CCDC77: variants seen among roughly 807,000 people sequenced by gnomAD.
The protein encoded by CCDC77 is coiled-coil domain containing 77.
In CCDC77, 56 loss-of-function variants were observed where a neutral mutation model predicts 66.8. The observed-to-expected ratio is 0.84, with a 90% CI of 0.68 to 1.05. The LOEUF (loss-of-function observed/expected upper bound fraction) is 1.05, where lower values mean the gene tolerates loss of function less well. Among genes scored for constraint, CCDC77 ranks in the 50% least tolerant of loss-of-function variants. The pLI, the probability that CCDC77 is intolerant of heterozygous loss-of-function variation, is 0.00. For missense variants in CCDC77, 570 were observed against 576.8 expected (o/e 0.99, Z 0.12); for synonymous variants, 196 against 195.2 (o/e 1.00, Z -0.03).
At chr12:432,099 C>T (rs1747597499) in intron 8 of CCDC77, 145 bp downstream of exon 8, 1 of 566,658 alleles carries the variant, frequency 1.8e-6, no homozygotes. Context: ...TGAGATTGTT[C>T]CTAATTTCTA....
rs1401984737 is a variant in CCDC77 at position 422,277 on chromosome 12, A to G, written c.413+3641A>G. On this transcript the variant is annotated intron_variant, in intron 5 of 12. Coordinates refer to ENST00000239830, the MANE Select transcript of CCDC77 (RefSeq NM_032358.4). Reference sequence around the variant, plus strand: ...CTGGGAGTGAGAGGGTAAAACACACATAGCAAAAAGTTCACCATTTTAGCC... The same window carrying G: ...CTGGGAGTGAGAGGGTAAAACACACGTAGCAAAAAGTTCACCATTTTAGCC... Among the ~76,000 whole-genome samples the G allele has an allele frequency of 5.9e-5, 9 of 152,274 alleles. 1 individual carries two copies. Among genetic ancestry groups the G allele is most frequent in the African/African-American group, 1.9e-4 (8 of 41,478 alleles).
intron 5 of CCDC77, among the ~76,000 whole-genome samples, chr12:423,483 TTTTTTG>T (rs1565572216): frequency 1.8e-4 from 6 of 33,110 alleles, no homozygotes; most frequent in East Asian, 7.5e-4. Flanking sequence ...TTTTGTGTTT[TTTTTTG>T]TTTTGTTTTT....
chr12:390,585 C>G (rs922457883), intron 1 of CCDC77, among the ~76,000 whole-genome samples: 11 of 152,148 alleles, frequency 7.2e-5, no homozygotes, highest in African/African-American at 2.7e-4. Flanking sequence ...CTTCCATGAG[C>G]AAGAAGGAAT....
chr12:409,278 A>G lies in CCDC77; in HGVS notation c.-16-90A>G. The G allele has an allele frequency of 2.4e-6, 2 of 825,750 alleles. 1 individual carries two copies. The highest frequency in any genetic ancestry group is 4.5e-5 in the Admixed American group (2 of 44,544). The allele number at this position is 825,750 out of a possible 1,614,324, so 51.2% of individuals were successfully genotyped here. ...AGATTCTTTCCAAGAAGCAAATATG[A>G]TGATGTTGAAGAGGGAACCAGTCTA... On this transcript the variant is annotated intron_variant, in intron 2 of 12. Coordinates refer to ENST00000239830, the MANE Select transcript of CCDC77 (RefSeq NM_032358.4).
chr12:399,521 T>G (rs911880761), upstream of CCDC77, among the ~76,000 whole-genome samples: 2 of 152,220 alleles, frequency 1.3e-5, no homozygotes, highest in Admixed American at 1.3e-4. Context: ...CCTTGATCCA[T>G]GAGCTGCAGA....
intron 11 of CCDC77, 31 bp downstream of exon 11, chr12:440,773 T>C (rs1376192819): frequency 1.2e-6 from 2 of 1,613,488 alleles, no homozygotes; most frequent in Admixed American, 1.7e-5. Flanking sequence ...TGTAATGGAA[T>C]AGGAAGTGCA....
chr12:433,651 C>CA (rs74643579), intron 9 of CCDC77, among the ~76,000 whole-genome samples: 4,301 of 121,186 alleles, frequency 0.035, 106 homozygotes, highest in African/African-American at 0.079. Flanking sequence ...GACCCTGTCT[C>CA]AAAAAAAAAA....
intron 10 of CCDC77, 177 bp downstream of exon 10, chr12:438,731 T>C (rs1945801398): frequency 1.8e-6 from 1 of 547,502 alleles, no homozygotes; most frequent in Non-Finnish European, 3.2e-6. Flanking sequence ...GGATTCAAAA[T>C]ATTAGACTTG....
intron 1 of CCDC77, chr12:389,507 A>G (rs955853732): frequency 2.5e-4 from 55 of 218,206 alleles, no homozygotes; most frequent in Admixed American, 1.2e-3. Context: ...GGGGAGGGGC[A>G]CAAGCTCTTC....
intron 2 of CCDC77, among the ~76,000 whole-genome samples, chr12:405,813 A>G (rs1944979688): frequency 6.6e-6 from 1 of 152,168 alleles, no homozygotes; most frequent in South Asian, 2.1e-4. Context: ...TACTAGGGAT[A>G]CAGCAGTGAA....
At chr12:391,434 A>G (rs777198999) in intron 1 of CCDC77, among the ~76,000 whole-genome samples, 8 of 152,156 alleles carry the variant, frequency 5.3e-5, no homozygotes, top group Non-Finnish European at 1.2e-4. Flanking sequence ...CAGCCTAGGC[A>G]AGAAGAGTGA....
upstream of CCDC77, among the ~76,000 whole-genome samples, chr12:398,741 AT>A (rs1455104312): frequency 1.3e-5 from 2 of 149,406 alleles, no homozygotes; most frequent in African/African-American, 4.9e-5. Flanking sequence ...TCTTTTTAAA[AT>A]TTTTTTATTA....
chr12:416,369 G>A (rs1265486268), intron 4 of CCDC77, among the ~76,000 whole-genome samples: 1,848 of 29,016 alleles, frequency 0.064, 169 homozygotes, highest in South Asian at 0.21. Context: ...GTGTGTGTGT[G>A]TGTGTGTGTA....
In CCDC77 at chr12:431,866, A is replaced by G; in HGVS notation, c.584A>G (p.Asp195Gly). ...EQSESSAFKADPKISKRRPSR... is the reference protein window; with the variant it reads ...EQSESSAFKAGPKISKRRPSR... ...TGATGGATTTTGTTTTCTATTTTAGATCCTAAAATAAGCAAAAGAAGACCA... is the reference window on the plus strand; with the variant it reads ...TGATGGATTTTGTTTTCTATTTTAGGTCCTAAAATAAGCAAAAGAAGACCA... The change falls in exon 8 of 13, where the codon GAT (aspartate) becomes GGT (glycine). Residue 195 changes from aspartate (D) to glycine (G), a missense_variant and splice_region_variant. Coordinates refer to ENST00000239830, the MANE Select transcript of CCDC77 (RefSeq NM_032358.4). 6.3e-7 allele frequency: 1 copy of G among 1,588,714 alleles called. No individual in the cohort carries two copies. Among genetic ancestry groups the G allele is most frequent in the Non-Finnish European group, 8.6e-7 (1 of 1,162,470 alleles).
intron 10 of CCDC77, among the ~76,000 whole-genome samples, chr12:438,832 G>A (rs1457987217): frequency 6.6e-6 from 1 of 151,874 alleles, no homozygotes; most frequent in Non-Finnish European, 1.5e-5. Flanking sequence ...ACTTTGGGAG[G>A]CCTAGGTGGG....
rs576903770 is a variant in CCDC77, at chr12:414,114, C to T, written c.270+2136C>T. Among the ~76,000 whole-genome samples, 19 of 145,904 alleles carry T rather than the reference C, an allele frequency of 1.3e-4. 1 individual carries two copies. Among genetic ancestry groups the T allele is most frequent in the African/African-American group, 3.1e-4 (12 of 38,852 alleles). ...GATTTCCTTTTTTTTTTTTTTGAGA[C>T]GGAGTCTCACCCTGTCTGCCAGGCT... On this transcript the variant is annotated intron_variant, in intron 4 of 12. Coordinates refer to ENST00000239830, the MANE Select transcript of CCDC77 (RefSeq NM_032358.4).
chr12:431,722 CGAATCCCTTCATTAGTGA>C (rs1473523598), intron 7 of CCDC77, 126 bp from the exon 8 acceptor site: 2 of 556,338 alleles, frequency 3.6e-6, no homozygotes, highest in Admixed American at 3.3e-5. Context: ...CTTTGTCTTC[CGAATCCCTTCATTAGTGA>C]GAACCCCTTC....
intron 9 of CCDC77, among the ~76,000 whole-genome samples, chr12:436,485 A>G (rs1945761019): frequency 1.3e-5 from 2 of 151,732 alleles, no homozygotes; most frequent in African/African-American, 2.4e-5. Flanking sequence ...CAGCCTCCCA[A>G]AGTGTTGGGA....
chr12:423,112 GC>G (rs1395007829), intron 5 of CCDC77, among the ~76,000 whole-genome samples: 12 of 69,084 alleles, frequency 1.7e-4, no homozygotes, highest in Middle Eastern at 8.9e-3. Flanking sequence ...TTTCTTTTAA[GC>G]CTTTTTTTTT....
Sources: gnomAD v4.1 joint callset for allele counts (sites outside exome capture counted in the v4.1 genomes callset) on GRCh38, gnomAD v4.1.1 for gene constraint, MANE v1.5 for transcripts, NCBI Gene and HGNC (gene_info 2026-07-23, HGNC 2026-07-21) for gene names.